TNIP3: variants seen among roughly 807,000 people sequenced by gnomAD.
The protein encoded by TNIP3 is TNFAIP3-interacting protein 3.
A neutral mutation model predicts 54.1 loss-of-function variants in TNIP3; 34 were observed. The ratio of observed to expected loss-of-function variants is 0.63; its 90% CI spans 0.48 to 0.84. TNIP3 has a LOEUF of 0.84. TNIP3 is among the 40% of genes least tolerant of loss of function. The pLI, the probability that TNIP3 is intolerant of heterozygous loss-of-function variation, is 0.00. For missense variants in TNIP3, 366 were observed against 387.6 expected (o/e 0.94, Z 0.47); for synonymous variants, 134 against 136.8 (o/e 0.98, Z 0.14).
At chr4:121,223,163 A>G (rs540308904) in intron 1 of TNIP3, among the ~76,000 whole-genome samples, 3 of 152,264 alleles carry the variant, frequency 2.0e-5, no homozygotes, top group African/African-American at 7.2e-5. Flanking sequence ...GATCGCTTTC[A>G]TATCCATTAC....
At chr4:121,193,144 T>G (rs924232445) in intron 2 of TNIP3, among the ~76,000 whole-genome samples, 1 of 152,202 alleles carries the variant, frequency 6.6e-6, no homozygotes, top group Admixed American at 6.5e-5. Flanking sequence ...AAAAAGTGGC[T>G]TCTGCTTTAT....
intron 1 of TNIP3, 95 bp downstream of exon 1, chr4:121,163,965 C>A: frequency 7.2e-6 from 10 of 1,396,610 alleles, no homozygotes; most frequent in Non-Finnish European, 7.7e-6. Context: ...AGCAAACTAG[C>A]CATTTCTGTT....
intron 2 of TNIP3, among the ~76,000 whole-genome samples, chr4:121,195,894 G>A (rs974665640): frequency 2.6e-5 from 4 of 152,212 alleles, no homozygotes; most frequent in African/African-American, 4.8e-5. Context: ...GGATGAATGG[G>A]AAACAGTAGC....
chr4:121,215,493 T>C (rs1401632192), intron 2 of TNIP3, among the ~76,000 whole-genome samples: 1 of 152,176 alleles, frequency 6.6e-6, no homozygotes, highest in African/African-American at 2.4e-5. Flanking sequence ...ACACCACCTG[T>C]GGAAGCCAAA....
intron 1 of TNIP3, among the ~76,000 whole-genome samples, chr4:121,224,230 G>T (rs1251287712): frequency 6.6e-6 from 1 of 152,094 alleles, no homozygotes; most frequent in African/African-American, 2.4e-5. Flanking sequence ...GAATGTGGTG[G>T]TGGGCGCCTG....
intron 2 of TNIP3, among the ~76,000 whole-genome samples, chr4:121,211,480 G>A (rs79232849): frequency 0.038 from 5,826 of 152,164 alleles, 151 homozygotes; most frequent in African/African-American, 0.062. Flanking sequence ...AATAAAAACA[G>A]AAAGATTCAA....
At chr4:121,180,840 C>G (rs1724650693) in intron 3 of TNIP3, among the ~76,000 whole-genome samples, 1 of 152,216 alleles carries the variant, frequency 6.6e-6, no homozygotes, top group Admixed American at 6.5e-5. Context: ...GTCTCCCTAC[C>G]TTCCAATAGT....
At chr4:121,204,586 A>G (rs1726076343) in intron 2 of TNIP3, among the ~76,000 whole-genome samples, 3 of 152,110 alleles carry the variant, frequency 2.0e-5, no homozygotes, top group Non-Finnish European at 4.4e-5. Context: ...CAACTTAATC[A>G]TTTCTCTATG....
At chr4:121,202,072 T>C (rs1379295477) in intron 2 of TNIP3, among the ~76,000 whole-genome samples, 4 of 151,988 alleles carry the variant, frequency 2.6e-5, no homozygotes, top group Non-Finnish European at 5.9e-5. Context: ...AAAATTCATA[T>C]GGAACCAAAA....
chr4:121,212,306 G>A (rs1726517019), intron 2 of TNIP3, among the ~76,000 whole-genome samples: 1 of 152,166 alleles, frequency 6.6e-6, no homozygotes, highest in South Asian at 2.1e-4. Flanking sequence ...CAAAGCACAA[G>A]TTGTCCCAAA....
At chr4:121,169,803 A>C (rs1730970345) in intron 3 of TNIP3, among the ~76,000 whole-genome samples, 1 of 152,228 alleles carries the variant, frequency 6.6e-6, no homozygotes, top group African/African-American at 2.4e-5. Flanking sequence ...CAGATTCCAT[A>C]GCCTCTTAGA....
At chr4:121,188,432 C>T (rs886203807) in intron 2 of TNIP3, among the ~76,000 whole-genome samples, 4 of 152,058 alleles carry the variant, frequency 2.6e-5, no homozygotes, top group Non-Finnish European at 5.9e-5. Flanking sequence ...AGGAAGAGAT[C>T]AATGATTTTC....
intron 9 of TNIP3, among the ~76,000 whole-genome samples, chr4:121,141,256 C>T (rs916496024): frequency 5.3e-5 from 8 of 152,084 alleles, no homozygotes; most frequent in African/African-American, 1.9e-4. Flanking sequence ...GTTGACTGTC[C>T]AAATCAATTC....
chr4:121,135,111 G>T (rs772860884), intron 10 of TNIP3, among the ~76,000 whole-genome samples: 1 of 152,166 alleles, frequency 6.6e-6, no homozygotes, highest in Non-Finnish European at 1.5e-5. Context: ...CAGGGCTTAG[G>T]TCTCCCTGTG....
Position 121,141,341 on chromosome 4 carries a change from G to T in TNIP3, c.885+475C>A, listed in dbSNP as rs530688664. On this transcript the variant is annotated intron_variant, in intron 9 of 10. Transcript: ENST00000057513. Reference sequence around the variant, plus strand: ...ACAGCCATGGAGAACAACTTAAGTGGGTCACTTTTTCTTGGATCCTTTAAG... The same window carrying T: ...ACAGCCATGGAGAACAACTTAAGTGTGTCACTTTTTCTTGGATCCTTTAAG... 4.6e-5 allele frequency among the ~76,000 whole-genome samples: 7 copies of T among 152,220 alleles called. No individual in the cohort carries two copies. In the South Asian group the frequency reaches 1.2e-3, roughly 27 times the overall value.
Position 121,173,847 on chromosome 4 carries a change from T to C in TNIP3, c.189+8829A>G, listed in dbSNP as rs1724137435. Among the ~76,000 whole-genome samples, 4 of 152,172 alleles carry C rather than the reference T, an allele frequency of 2.6e-5. No homozygotes were observed. The South Asian group carries it at 6.2e-4, about 24-fold the overall frequency. On this transcript the variant is annotated intron_variant, in intron 3 of 12. Coordinates refer to the TNIP3 transcript ENST00000507879. ...AGCTTCACCATGTTGGCCAAGCTGG[T>C]CTCAAACTCCTGACCACAAGTGATC...
In TNIP3 at chr4:121,197,314, C is replaced by T. The variant is rs1156890861; in HGVS notation, c.69-14518G>A. On this transcript the variant is annotated intron_variant, in intron 2 of 12. Transcript: ENST00000507879. ...AAGCTGAAGCGGGTGGATCACCTGA[C>T]GTCAGGAGTTCGAGACCAGCCTGGC... Among the ~76,000 whole-genome samples the T allele has an allele frequency of 4.6e-5, 7 of 151,910 alleles. No homozygotes were observed. The East Asian group carries it at 1.2e-3, about 25-fold the overall frequency.
chr4:121,182,138 C>T (rs897302280), intron 3 of TNIP3, among the ~76,000 whole-genome samples: 2 of 151,914 alleles, frequency 1.3e-5, no homozygotes, highest in African/African-American at 4.8e-5. Context: ...TCAAGAAAGT[C>T]ATCTGTAAAA....
intron 10 of TNIP3, among the ~76,000 whole-genome samples, chr4:121,135,880 T>G (rs1359938504): frequency 6.6e-6 from 1 of 152,160 alleles, no homozygotes; most frequent in Non-Finnish European, 1.5e-5. Context: ...GATGTCAGAG[T>G]TCTGCCAATT....
Sources: allele counts gnomAD v4.1 joint callset (sites outside exome capture counted in the v4.1 genomes callset), GRCh38; gene constraint gnomAD v4.1.1; transcripts MANE v1.5; gene names NCBI Gene and HGNC (gene_info 2026-07-23, HGNC 2026-07-21).